The following SFRP4 variants were observed in gnomAD, a reference collection of about 807,000 sequenced individuals.
The protein encoded by SFRP4 is secreted frizzled-related protein 4.
Under a neutral mutation model 36.3 loss-of-function variants are expected in SFRP4, and 25 were observed. The observed-to-expected ratio is 0.69, with a 90% CI of 0.50 to 0.96. The LOEUF is 0.96. SFRP4 is among the 40% of genes least tolerant of loss of function. The probability of loss-of-function intolerance (pLI) is 0.00; values close to 1 mark genes in which losing one functional copy is unlikely to be tolerated. For missense variants in SFRP4, 487 were observed against 459.6 expected (o/e 1.06, Z -0.54); for synonymous variants, 182 against 168.8 (o/e 1.08, Z -0.60).
In SFRP4 at chr7:37,912,212, G is replaced by A. The variant is rs766564289; in HGVS notation, c.698C>T (p.Thr233Ile). 1 of 1,614,164 alleles carries A rather than the reference G, an allele frequency of 6.2e-7. No homozygotes were observed. Among genetic ancestry groups the A allele is most frequent in the Admixed American group, 1.7e-5 (1 of 60,026 alleles). ...IFKSSSPIPRTQVPLITNSSC... is the reference protein window; with the variant it reads ...IFKSSSPIPRIQVPLITNSSC... ...AGAATTTGTAATGAGCGGGACTTGA[G>A]TTCGAGGGATGGGTGATGAGGACTT... Residue 233 changes from threonine (T) to isoleucine (I), a missense_variant, in exon 4 of 6, where the codon ACT (threonine) becomes ATT (isoleucine). Physicochemically the swap from Thr to Ile is moderately conservative, Grantham distance 89. Coordinates refer to ENST00000436072, the MANE Select transcript of SFRP4 (RefSeq NM_003014.4).
rs1381550302 is a variant in SFRP4, at chr7:37,906,466, C to A, written c.*1013G>T. 1 of 152,140 alleles carries A rather than the reference C, an allele frequency of 6.6e-6. No homozygotes were observed. The highest frequency in any genetic ancestry group is 6.5e-5 in the Admixed American group (1 of 15,282). 9.4% of individuals were successfully genotyped at this position (152,140 alleles called of 1,614,324 possible). On this transcript the variant is annotated 3_prime_UTR_variant, in exon 6 of 6. Coordinates refer to ENST00000436072, the MANE Select transcript of SFRP4 (RefSeq NM_003014.4). Reference sequence around the variant, plus strand: ...AGTAATTCTCATTTCAGAGGTGGAACCTCAACTTTCCTCTCTGTACATTTA... The same window carrying A: ...AGTAATTCTCATTTCAGAGGTGGAAACTCAACTTTCCTCTCTGTACATTTA...
rs546060485 is a variant in SFRP4, at chr7:37,914,374, G to A, written c.525C>T (p.Pro175=). The A allele has an allele frequency of 1.1e-5, 17 of 1,613,154 alleles. No homozygotes were observed. The highest frequency in any genetic ancestry group is 3.3e-5 in the Admixed American group (2 of 60,022). Residue 175 remains proline (P), a splice_region_variant and synonymous_variant, in exon 2 of 6, where the codon CCC becomes CCT. Transcript: ENST00000436072. ...AACGTCCATGAAGAAAGAACTCACC[G>A]GGGCTTAGGCGTTTACAGTCAACAT... ...PLDVDCKRLS[P]DRCKCKKVKP... is the part of the protein sequence containing the mutation.
At position 37,906,402 on chromosome 7, in the gene SFRP4, A is replaced by G. The variant is rs939255294; in HGVS notation, c.*1077T>C. The G allele has an allele frequency of 5.3e-5, 8 of 152,204 alleles. No individual in the cohort carries two copies. The highest frequency in any genetic ancestry group is 2.1e-4 in the South Asian group (1 of 4,832). 9.4% of individuals were successfully genotyped at this position (152,204 alleles called of 1,614,324 possible). ...AAATTTGTTGATAAAATGCTGCAAG[A>G]TAAGTTCTTTTTTTCTGATTAAAGT... On this transcript the variant is annotated 3_prime_UTR_variant, in exon 6 of 6. Transcript: ENST00000436072.
At chr7:37,909,793 C>T in intron 4 of SFRP4, 113 bp from the exon 5 acceptor site, 1 of 541,256 alleles carries the variant, frequency 1.8e-6, no homozygotes, top group Admixed American at 3.3e-5. Context: ...TCCACACATC[C>T]ACCATTTATA....
chr7:37,912,435 G>A (rs1785509315), intron 3 of SFRP4, 118 bp from the exon 4 acceptor site: 1 of 796,760 alleles, frequency 1.3e-6, no homozygotes, highest in Non-Finnish European at 2.0e-6. Flanking sequence ...TTATGGTTAT[G>A]TCCAAGTGGC....
intron 1 of SFRP4, among the ~76,000 whole-genome samples, chr7:37,915,143 A>T (rs771829041): frequency 6.6e-6 from 1 of 152,244 alleles, no homozygotes; most frequent in African/African-American, 2.4e-5. Context: ...AATATTTCCA[A>T]ATCCCTACCT....
chr7:37,909,488 C>A (rs1211791540), intron 5 of SFRP4, 129 bp downstream of exon 5: 2 of 527,796 alleles, frequency 3.8e-6, no homozygotes, highest in Non-Finnish European at 6.8e-6. Context: ...ATTCAAAAGA[C>A]AAATACTGTT....
At position 37,912,883 on chromosome 7, in the gene SFRP4, C is replaced by T. The variant is rs1785517318; in HGVS notation, c.593-566G>A. Among the ~76,000 whole-genome samples the T allele has an allele frequency of 2.0e-5, 3 of 152,324 alleles. No homozygotes were observed. In the South Asian group the frequency reaches 6.2e-4, roughly 32 times the overall value. ...TACAGATGGCTGTTAATGTCACTGT[C>T]TCTGACCAAGTTTTAAATGCTGGTT... On this transcript the variant is annotated intron_variant, in intron 3 of 5. Transcript: ENST00000436072.
At chr7:37,910,883 G>C (rs1389581821) in intron 4 of SFRP4, among the ~76,000 whole-genome samples, 1 of 152,106 alleles carries the variant, frequency 6.6e-6, no homozygotes. Context: ...GTTTTAACAA[G>C]TGTAACTTTA....
In SFRP4 at chr7:37,914,205, C is replaced by G; in HGVS notation, c.592+8G>C. On this transcript the variant is annotated splice_region_variant and intron_variant, in intron 3 of 5. Transcript: ENST00000436072. ...CTCAAAAGTAAATGGCTTTAACAGA[C>G]GACTTACCATAGCTGTAGTTTTTGC... The G allele has an allele frequency of 6.2e-7, 1 of 1,610,774 alleles. No homozygotes were observed. The highest frequency in any genetic ancestry group is 8.5e-7 in the Non-Finnish European group (1 of 1,177,014).
chr7:37,916,524 A>T lies in SFRP4; in HGVS notation c.14T>A (p.Ile5Asn), dbSNP rs778293050. ...CAGCCACAGGCACAGCGCCACTAGGATGGAGAGGAACATGGCACTGCCCTC... is the reference window on the plus strand; with the variant it reads ...CAGCCACAGGCACAGCGCCACTAGGTTGGAGAGGAACATGGCACTGCCCTC... Reference protein sequence around the residue: MFLSILVALCLWLHL... With the variant: MFLSNLVALCLWLHL... Residue 5 changes from isoleucine (I) to asparagine (N), a missense_variant, in exon 1 of 6, where the codon ATC (isoleucine) becomes AAC (asparagine). Coordinates refer to ENST00000436072, the MANE Select transcript of SFRP4 (RefSeq NM_003014.4). The surrounding 1 kb of genome is among the most constrained non-coding windows in gnomAD (Gnocchi z 4.1). 4 of 1,608,850 alleles carry T rather than the reference A, an allele frequency of 2.5e-6. No individual in the cohort carries two copies. In the African/African-American group the frequency reaches 5.3e-5, roughly 21 times the overall value.
In SFRP4 at chr7:37,906,292, T is replaced by C. The variant is rs974554304; in HGVS notation, c.*1187A>G. On this transcript the variant is annotated 3_prime_UTR_variant, in exon 6 of 6. Transcript: ENST00000436072. ...GGCGTTGTGCATTTATTGAATGCCT[T>C]ATAGAGAATACATGCTTACTGTGTT... 2 of 152,234 alleles carry C rather than the reference T, an allele frequency of 1.3e-5. No homozygotes were observed. The highest frequency in any genetic ancestry group is 2.4e-5 in the African/African-American group (1 of 41,464). The allele number at this position is 152,234 out of a possible 1,614,324, so 9.4% of individuals were successfully genotyped here.
chr7:37,910,130 A>G (rs535074320), intron 4 of SFRP4, among the ~76,000 whole-genome samples: 1 of 152,114 alleles, frequency 6.6e-6, no homozygotes, highest in East Asian at 1.9e-4. Flanking sequence ...TTAAAATAGA[A>G]TAACTGAGTT....
intron 5 of SFRP4, 143 bp from the exon 6 acceptor site, chr7:37,907,807 A>G: frequency 5.0e-6 from 3 of 594,334 alleles, no homozygotes; most frequent in Admixed American, 3.2e-5. Context: ...TGAAGCACTT[A>G]TCATGTACCA....
Position 37,914,196 on chromosome 7 carries a change from T to C in SFRP4, c.592+17A>G. ...GAACCAAGTCTCAAAAGTAAATGGC[T>C]TTAACAGACGACTTACCATAGCTGT... On this transcript the variant is annotated intron_variant, in intron 3 of 5. Transcript: ENST00000436072. The C allele has an allele frequency of 1.2e-6, 2 of 1,607,122 alleles. No individual in the cohort carries two copies. Among genetic ancestry groups the C allele is most frequent in the Non-Finnish European group, 1.7e-6 (2 of 1,173,652 alleles).
rs572002481 is a variant in SFRP4, at chr7:37,915,038, A to G, written c.446-585T>C. ...TATCCATTTAACCTCACTGGTATAT[A>G]CAACCAAACTGGATAAATCACATCA... is the stretch of plus-strand genomic sequence containing the variant. On this transcript the variant is annotated intron_variant, in intron 1 of 5. Transcript: ENST00000436072. Among the ~76,000 whole-genome samples the G allele has an allele frequency of 2.0e-5, 3 of 152,354 alleles. No homozygotes were observed. The South Asian group carries it at 6.2e-4, about 32-fold the overall frequency.
In SFRP4 at chr7:37,914,267, A is replaced by G. The variant is rs1470709427; in HGVS notation, c.538T>C (p.Cys180Arg). Reference sequence around the variant, plus strand: ...GCCAAAGTTGGCTTCACCTTTTTACACTTGCACCGATCTAAAAAAGGCAGA... The same window carrying G: ...GCCAAAGTTGGCTTCACCTTTTTACGCTTGCACCGATCTAAAAAAGGCAGA... ...CKRLSPDRCK[C>R]KKVKPTLATY... Residue 180 changes from cysteine to arginine, a missense_variant, in exon 3 of 6, where the codon TGT becomes CGT. Transcript: ENST00000436072. 1.9e-6 allele frequency: 3 copies of G among 1,614,144 alleles called. No homozygotes were observed. The highest frequency in any genetic ancestry group is 2.5e-6 in the Non-Finnish European group (3 of 1,179,980).
rs1375436440 is a variant in SFRP4, at chr7:37,916,777, G to T, written c.-240C>A. The T allele has an allele frequency of 4.9e-6, 3 of 611,000 alleles. No individual in the cohort carries two copies. In the African/African-American group the frequency reaches 5.6e-5, roughly 11 times the overall value. The allele number at this position is 611,000 out of a possible 1,614,324, so 37.8% of individuals were successfully genotyped here. A position where few individuals can be genotyped will look rare whatever the true frequency, so the allele number is the denominator to read the frequency against. Reference sequence around the variant, plus strand: ...CAGCCTTCGGGGCGCGAACCCGCCCGGGCAGCTCCAGTCCCGGACTCCGCA... The same window carrying T: ...CAGCCTTCGGGGCGCGAACCCGCCCTGGCAGCTCCAGTCCCGGACTCCGCA... On this transcript the variant is annotated 5_prime_UTR_variant, in exon 1 of 6. Coordinates refer to ENST00000436072, the MANE Select transcript of SFRP4 (RefSeq NM_003014.4). The surrounding 1 kb of genome is among the most constrained non-coding windows in gnomAD (Gnocchi z 4.1).
At chr7:37,911,275 C>T (rs1785481617) in intron 4 of SFRP4, among the ~76,000 whole-genome samples, 1 of 152,100 alleles carries the variant, frequency 6.6e-6, no homozygotes, top group African/African-American at 2.4e-5. Flanking sequence ...GAGTTAGTTC[C>T]CAAAGATGTT....
Sources: allele counts gnomAD v4.1 joint callset (sites outside exome capture counted in the v4.1 genomes callset), GRCh38; gene constraint gnomAD v4.1.1; non-coding constraint Gnocchi (gnomAD v3.1); transcripts MANE v1.5; gene names NCBI Gene and HGNC (gene_info 2026-07-23, HGNC 2026-07-21).